Variants in KMT5B observed in about 807,000 individuals in gnomAD.
The protein encoded by KMT5B is histone-lysine N-methyltransferase KMT5B.
KMT5B carries 10 observed loss-of-function variants against 83.2 expected under a neutral mutation model. That is an observed-to-expected ratio of 0.12 (90% CI 0.07 to 0.20). The LOEUF is 0.20. Ranked by LOEUF, KMT5B falls within the 10% of genes least tolerant of loss-of-function variation. The pLI, the probability that KMT5B is intolerant of heterozygous loss-of-function variation, is 1.00. For synonymous variants in KMT5B, 349 were observed against 388.8 expected (o/e 0.90, Z 1.20); for missense variants, 753 against 1,067.2 (o/e 0.71, Z 4.10).
intron 4 of KMT5B, among the ~76,000 whole-genome samples, chr11:68,175,543 C>T (rs1856277798): frequency 6.6e-6 from 1 of 152,206 alleles, no homozygotes; most frequent in South Asian, 2.1e-4. Flanking sequence ...CAGACTTACA[C>T]TAGTCGTCAA....
At chr11:68,165,861 T>C in intron 10 of KMT5B, 1 of 1,612,884 alleles carries the variant, frequency 6.2e-7, no homozygotes, top group East Asian at 2.2e-5. Flanking sequence ...ATGCTTGGAC[T>C]CTGACTCCCA....
intron 3 of KMT5B, among the ~76,000 whole-genome samples, chr11:68,182,530 C>A (rs1857036417): frequency 6.6e-6 from 1 of 152,102 alleles, no homozygotes; most frequent in Non-Finnish European, 1.5e-5. Context: ...ATGAATACAG[C>A]TCATTGCAGC....
intron 3 of KMT5B, among the ~76,000 whole-genome samples, chr11:68,184,510 G>T (rs1439471628): frequency 1.3e-5 from 2 of 152,148 alleles, no homozygotes; most frequent in African/African-American, 4.8e-5. Flanking sequence ...TAAAAGGGGG[G>T]AAACAGGACA....
At chr11:68,212,617 G>A (rs1166991759) in intron 1 of KMT5B, 1 of 153,040 alleles carries the variant, frequency 6.5e-6, no homozygotes, top group Non-Finnish European at 1.5e-5. Context: ...CGCAGGGAGA[G>A]CGGATAAAGC....
At chr11:68,194,620 T>C (rs1565250800) in intron 1 of KMT5B, among the ~76,000 whole-genome samples, 1 of 152,222 alleles carries the variant, frequency 6.6e-6, no homozygotes, top group Non-Finnish European at 1.5e-5. Context: ...CATTGAGCCA[T>C]CTCACAAAAG....
At chr11:68,199,830 G>GA (rs1859201868) in intron 1 of KMT5B, among the ~76,000 whole-genome samples, 2 of 152,190 alleles carry the variant, frequency 1.3e-5, no homozygotes, top group South Asian at 4.1e-4. Context: ...AGGTTCCGCT[G>GA]ATAGTCGGGA....
At chr11:68,186,324 C>T (rs1475192460) in intron 2 of KMT5B, among the ~76,000 whole-genome samples, 1 of 152,146 alleles carries the variant, frequency 6.6e-6, no homozygotes, top group Admixed American at 6.5e-5. Context: ...GAAAGAGGAA[C>T]ACAAGATAGT....
intron 10 of KMT5B, 134 bp downstream of exon 10, chr11:68,166,848 G>C (rs1418007832): frequency 3.4e-6 from 5 of 1,472,236 alleles, no homozygotes; most frequent in Non-Finnish European, 4.5e-6. Context: ...CTAGAGCCTT[G>C]AAGTGCAGCC....
chr11:68,183,056 G>T (rs1416454996), intron 3 of KMT5B, among the ~76,000 whole-genome samples: 1 of 151,976 alleles, frequency 6.6e-6, no homozygotes, highest in Non-Finnish European at 1.5e-5. Flanking sequence ...CTGATGTAAC[G>T]CTGTTTTATA....
chr11:68,175,743 C>A (rs979533746), intron 4 of KMT5B, among the ~76,000 whole-genome samples: 7 of 152,102 alleles, frequency 4.6e-5, no homozygotes, highest in Admixed American at 2.0e-4. Context: ...TCAGAAAAAA[C>A]CCCAAACTAA....
chr11:68,158,027 A>G lies in KMT5B; in HGVS notation c.2319T>C (p.Ser773=). The part of the protein sequence containing the change: ...NNGFNSGSGS[S]STKLKIQLKR... ...TTAGCTGGATTTTTAATTTTGTAGA[A>G]CTACTGCCTGATCCTGAGTTAAATC... The change falls in exon 11 of 11, where the codon AGT becomes AGC. Residue 773 remains serine, a synonymous_variant. Transcript: ENST00000304363. 6.2e-7 allele frequency: 1 copy of G among 1,614,092 alleles called. No individual in the cohort carries two copies. The highest frequency in any genetic ancestry group is 8.5e-7 in the Non-Finnish European group (1 of 1,180,024).
At chr11:68,185,511 T>C (rs765260932) in intron 3 of KMT5B, among the ~76,000 whole-genome samples, 1 of 152,176 alleles carries the variant, frequency 6.6e-6, no homozygotes, top group Non-Finnish European at 1.5e-5. Context: ...CCTGGCATCA[T>C]CAACTTTTAA....
At chr11:68,170,581 T>A (rs1855749254) in intron 9 of KMT5B, among the ~76,000 whole-genome samples, 1 of 152,170 alleles carries the variant, frequency 6.6e-6, no homozygotes, top group Non-Finnish European at 1.5e-5. Context: ...GAATGACTGA[T>A]ATCAGGGAAC....
chr11:68,179,626 TGGGGAACAGGAA>T (rs1856722424), intron 4 of KMT5B: 1 of 1,243,142 alleles, frequency 8.0e-7, no homozygotes, highest in Non-Finnish European at 1.0e-6. Context: ...ACTGGAGGGG[TGGGGAACAGGAA>T]GGGGAACAGA....
At chr11:68,211,835 G>C (rs1042629134) in intron 1 of KMT5B, among the ~76,000 whole-genome samples, 1 of 152,222 alleles carries the variant, frequency 6.6e-6, no homozygotes, top group Non-Finnish European at 1.5e-5. Flanking sequence ...CGAATGTTTA[G>C]AGATTACAAA....
intron 9 of KMT5B, 77 bp downstream of exon 9, chr11:68,170,938 G>A: frequency 7.0e-7 from 1 of 1,425,522 alleles, no homozygotes; most frequent in Non-Finnish European, 9.5e-7. Context: ...ACAACAAAGA[G>A]ATAATGTGAG....
At chr11:68,170,934 A>C in intron 9 of KMT5B, 81 bp downstream of exon 9, 1 of 1,407,744 alleles carries the variant, frequency 7.1e-7, no homozygotes, top group Non-Finnish European at 9.6e-7. Flanking sequence ...TTAAACAACA[A>C]AGAGATAATG....
At chr11:68,194,208 T>G (rs1179921515) in intron 1 of KMT5B, among the ~76,000 whole-genome samples, 7 of 148,952 alleles carry the variant, frequency 4.7e-5, no homozygotes, top group Non-Finnish European at 1.0e-4. Flanking sequence ...TTTTTTTTTT[T>G]GAGACAGAGT....
rs769549992 is a variant in KMT5B at position 68,159,072 on chromosome 11, G to A, written c.1274C>T (p.Thr425Ile). Residue 425 changes from threonine to isoleucine, a missense_variant, in exon 11 of 11, where the codon ACC becomes ATC. Coordinates refer to ENST00000304363, the MANE Select transcript of KMT5B (RefSeq NM_017635.5). ...ATTTATATGAGTTAGCTTAGATGAG[G>A]TAGAGTTGGAAGAAGCTGGAATTCT... is the stretch of plus-strand genomic sequence containing the variant. ...MSRIPASSNS[T>I]SSKLTHINNS... 6.8e-6 allele frequency: 11 copies of A among 1,611,786 alleles called. No individual in the cohort carries two copies. Among genetic ancestry groups the A allele is most frequent in the Non-Finnish European group, 9.3e-6 (11 of 1,179,538 alleles).
Sources: gnomAD v4.1 joint callset for allele counts (sites outside exome capture counted in the v4.1 genomes callset) on GRCh38, gnomAD v4.1.1 for gene constraint, MANE v1.5 for transcripts, NCBI Gene and HGNC (gene_info 2026-07-23, HGNC 2026-07-21) for gene names.